The following CHD9 variants were observed in gnomAD, a reference collection of about 807,000 sequenced individuals.
CHD9 encodes ATP-dependent chromatin remodeler CHD9.
A neutral mutation model predicts 316.1 loss-of-function variants in CHD9; 77 were observed. The ratio of observed to expected loss-of-function variants is 0.24; its 90% confidence interval spans 0.20 to 0.29. CHD9 has a LOEUF of 0.29. CHD9 is among the 10% of genes least tolerant of loss of function. The pLI, the probability that CHD9 is intolerant of heterozygous loss-of-function variation, is 1.00. For synonymous variants in CHD9, 1,129 were observed against 1,158.3 expected, an observed-to-expected ratio of 0.97 and a Z score of 0.51; for missense variants, 2,763 against 3,438.1, an observed-to-expected ratio of 0.80 and a Z score of 4.91.
At chr16:53,118,511 G>A (rs1214746167) in intron 1 of CHD9, among the ~76,000 whole-genome samples, 1 of 152,112 alleles carries the variant, frequency 6.6e-6, no homozygotes, top group Non-Finnish European at 1.5e-5. Context: ...CAGAGAAAAA[G>A]GCTATACTGA....
At chr16:53,104,194 T>C (rs2037128981) in intron 1 of CHD9, among the ~76,000 whole-genome samples, 1 of 152,348 alleles carries the variant, frequency 6.6e-6, no homozygotes, top group Admixed American at 6.5e-5. Flanking sequence ...TTTTTCCCCC[T>C]TGTATTTAAC....
In CHD9 at chr16:53,318,122, T is replaced by C. The variant is rs2057016869; in HGVS notation, c.7585-90T>C. 3.9e-6 allele frequency: 4 copies of C among 1,032,374 alleles called. No individual in the cohort carries two copies. The South Asian group carries it at 7.7e-5, about 20-fold the overall frequency. The allele number at this position is 1,032,374 out of a possible 1,614,324, so 64.0% of individuals were successfully genotyped here. A position where few individuals can be genotyped will look rare whatever the true frequency, so the allele number is the denominator to read the frequency against. On this transcript the variant is annotated intron_variant, in intron 36 of 38. Coordinates refer to ENST00000447540, the MANE Select transcript of CHD9 (RefSeq NM_001308319.2). ...GTAAATAACCAAAAGGTAAATGCTA[T>C]TAAATTACTTGGATCAGCTCATTTT...
chr16:53,299,489 T>C, intron 30 of CHD9: 1 of 277,422 alleles, frequency 3.6e-6, no homozygotes, highest in Non-Finnish European at 7.0e-6. Flanking sequence ...GTCTGCGCTC[T>C]GCAGCAGCCA....
chr16:53,249,530 A>G (rs531577908), intron 16 of CHD9, among the ~76,000 whole-genome samples: 12 of 152,226 alleles, frequency 7.9e-5, no homozygotes, highest in Admixed American at 4.6e-4. Flanking sequence ...AGTTTTTGTG[A>G]AAGTATTTCT....
At chr16:53,222,575 A>G (rs1294361769) in intron 3 of CHD9, 69 bp from the exon 4 acceptor site, 3 of 733,420 alleles carry the variant, frequency 4.1e-6, no homozygotes, top group Non-Finnish European at 7.0e-6. Context: ...TATCATGACA[A>G]TCTTAATTTA....
intron 1 of CHD9, among the ~76,000 whole-genome samples, chr16:53,117,948 C>G (rs2038441914): frequency 6.6e-6 from 1 of 151,902 alleles, no homozygotes; most frequent in African/African-American, 2.4e-5. Context: ...GCCTCAGCCT[C>G]CCAAGTAGCT....
intron 17 of CHD9, 68 bp from the exon 18 acceptor site, chr16:53,254,370 A>G: frequency 8.7e-7 from 1 of 1,155,468 alleles, no homozygotes. Context: ...TTTATATGCC[A>G]TACATATAGT....
intron 1 of CHD9, among the ~76,000 whole-genome samples, chr16:53,096,508 TC>T (rs1267345829): frequency 6.6e-6 from 1 of 152,170 alleles, no homozygotes; most frequent in Non-Finnish European, 1.5e-5. Context: ...TAAGTTAAGT[TC>T]TATACTACCC....
chr16:53,136,928 A>G (rs1026721640), intron 1 of CHD9, among the ~76,000 whole-genome samples: 1 of 152,126 alleles, frequency 6.6e-6, no homozygotes, highest in Non-Finnish European at 1.5e-5. Flanking sequence ...ATGAAATCAT[A>G]TAATAAGTGT....
Position 53,247,310 on chromosome 16 carries a change from C to G in CHD9, c.3472C>G (p.Leu1158Val). ...TTTGACAGGTGCTGAGGAGAAAATA[C>G]TTGGAGAATTTAGAGATACTTACAA... is the stretch of plus-strand genomic sequence containing the variant. ...YLIKGAEEKI[L>V]GEFRDTYNPA... The change falls in exon 16 of 39, where the codon CTT (leucine) becomes GTT (valine). Residue 1158 changes from leucine to valine, a missense_variant. Leu to Val is a conservative substitution (Grantham distance 32, BLOSUM62 1). Transcript: ENST00000447540. 1 of 1,599,420 alleles carries G rather than the reference C, an allele frequency of 6.3e-7. No homozygotes were observed. Among genetic ancestry groups the G allele is most frequent in the Non-Finnish European group, 8.5e-7 (1 of 1,171,870 alleles).
intron 2 of CHD9, among the ~76,000 whole-genome samples, chr16:53,181,986 G>A: frequency 6.6e-6 from 1 of 152,126 alleles, no homozygotes; most frequent in Non-Finnish European, 1.5e-5. Flanking sequence ...GGCTGAGGCA[G>A]GAGAATCACT....
intron 2 of CHD9, among the ~76,000 whole-genome samples, chr16:53,164,547 C>G (rs1308212269): frequency 1.3e-5 from 2 of 152,016 alleles, no homozygotes; most frequent in Non-Finnish European, 2.9e-5. Flanking sequence ...CCACTGCACT[C>G]CAGCCTGGGT....
intron 34 of CHD9, among the ~76,000 whole-genome samples, chr16:53,310,595 C>T (rs894990560): frequency 2.0e-5 from 3 of 151,890 alleles, no homozygotes; most frequent in African/African-American, 7.3e-5. Context: ...TGCCTGTAAT[C>T]CCAGAACTCT....
intron 27 of CHD9, among the ~76,000 whole-genome samples, chr16:53,291,516 ACTGT>A (rs536209401): frequency 4.1e-4 from 62 of 152,342 alleles, no homozygotes; most frequent in African/African-American, 1.2e-3. Context: ...GTAAATAATG[ACTGT>A]CTAATTGTCA....
At chr16:53,242,689 T>C in intron 12 of CHD9, 151 bp from the exon 13 acceptor site, 3 of 634,242 alleles carry the variant, frequency 4.7e-6, no homozygotes, top group Non-Finnish European at 5.5e-6. Context: ...ACAGTTTCAA[T>C]GATAAAAGTT....
intron 17 of CHD9, among the ~76,000 whole-genome samples, chr16:53,254,044 G>T (rs1402103745): frequency 2.0e-5 from 3 of 152,222 alleles, no homozygotes; most frequent in Admixed American, 6.5e-5. Context: ...AGATGTGGTG[G>T]CAGGTGCTTG....
chr16:53,262,978 A>G lies in CHD9; in HGVS notation c.4210-9A>G, dbSNP rs2051294360. ...ATTTTTCCTCTAAAACTGCCATTAT[A>G]TATTTCAGGCGAGTTTTGTGGCATC... On this transcript the variant is annotated splice_polypyrimidine_tract_variant and intron_variant, in intron 19 of 38. Transcript: ENST00000447540. 10 of 1,607,656 alleles carry G rather than the reference A, an allele frequency of 6.2e-6. No individual in the cohort carries two copies. The highest frequency in any genetic ancestry group is 1.7e-4 in the Middle Eastern group (1 of 6,044).
At chr16:53,196,461 A>G (rs1169601821) in intron 2 of CHD9, among the ~76,000 whole-genome samples, 2 of 152,198 alleles carry the variant, frequency 1.3e-5, no homozygotes, top group African/African-American at 4.8e-5. Context: ...GGTTCAGCCC[A>G]CAATCAAGGG....
At chr16:53,160,429 A>G (rs1032833270) in intron 2 of CHD9, among the ~76,000 whole-genome samples, 2 of 152,304 alleles carry the variant, frequency 1.3e-5, no homozygotes, top group Admixed American at 1.3e-4. Context: ...AGAGCACTCC[A>G]TCTGAGAGAA....
Sources: gnomAD v4.1 joint callset for allele counts (sites outside exome capture counted in the v4.1 genomes callset) on GRCh38, gnomAD v4.1.1 for gene constraint, MANE v1.5 for transcripts, NCBI Gene and HGNC (gene_info 2026-07-23, HGNC 2026-07-21) for gene names.